The following SRP68 variants were observed in gnomAD, a reference collection of about 807,000 sequenced individuals.
The protein encoded by SRP68 is signal recognition particle 68.
SRP68 carries 15 observed loss-of-function variants against 82.2 expected under a neutral mutation model. The ratio of observed to expected loss-of-function variants is 0.18; its 90% confidence interval spans 0.12 to 0.28. The LOEUF is 0.28. Among genes scored for constraint, SRP68 ranks in the 10% least tolerant of loss-of-function variants. The probability of loss-of-function intolerance (pLI) is 1.00; values close to 1 mark genes in which losing one functional copy is unlikely to be tolerated. For synonymous variants in SRP68, 261 were observed against 292.6 expected, an observed-to-expected ratio of 0.89 and a Z score of 1.10; for missense variants, 595 against 780.5, an observed-to-expected ratio of 0.76 and a Z score of 2.83.
chr17:76,067,755 C>G (rs1032133318), intron 2 of SRP68, among the ~76,000 whole-genome samples: 2 of 152,130 alleles, frequency 1.3e-5, no homozygotes, highest in African/African-American at 4.8e-5. Flanking sequence ...CATGAGCCAC[C>G]ATACCCGGCC....
intron 3 of SRP68, among the ~76,000 whole-genome samples, chr17:76,066,268 A>G (rs1598270372): frequency 6.6e-6 from 1 of 152,056 alleles, no homozygotes; most frequent in South Asian, 2.1e-4. Context: ...CCTGGCCAAC[A>G]TGGTGAAACC....
Position 76,057,395 on chromosome 17 carries a change from C to T in SRP68, c.978+8G>A. ...CAGAAGACAGCACAGTAAGTTCTTC[C>T]TCCTCACCTGGACAATAGCTGCTTC... On this transcript the variant is annotated splice_region_variant and intron_variant, in intron 8 of 15. Transcript: ENST00000307877. 1 of 1,614,122 alleles carries T rather than the reference C, an allele frequency of 6.2e-7. No individual in the cohort carries two copies. The highest frequency in any genetic ancestry group is 8.5e-7 in the Non-Finnish European group (1 of 1,180,016).
Position 76,043,813 on chromosome 17 carries a change from G to C in SRP68, c.1524+16C>G, listed in dbSNP as rs1367606079. 6.3e-6 allele frequency: 10 copies of C among 1,577,620 alleles called. No individual in the cohort carries two copies. Among genetic ancestry groups the C allele is most frequent in the Non-Finnish European group, 8.6e-6 (10 of 1,166,994 alleles). On this transcript the variant is annotated intron_variant, in intron 13 of 15. Coordinates refer to ENST00000307877, the MANE Select transcript of SRP68 (RefSeq NM_014230.4). ...ACCTGCCAGGGCTTGCAAACAAGGA[G>C]AGGCCAACCTCTCACCTTTAGGCTG...
chr17:76,048,035 T>C (rs1038969094), intron 9 of SRP68, 65 bp from the exon 10 acceptor site: 6 of 1,148,910 alleles, frequency 5.2e-6, no homozygotes, highest in African/African-American at 4.7e-5. Flanking sequence ...GACCACCTCA[T>C]GGAATGGTGG....
intron 4 of SRP68, 133 bp from the exon 5 acceptor site, chr17:76,061,707 TCCCAGCACTTTGGGAGG>T (rs1332522100): frequency 3.1e-6 from 2 of 646,792 alleles, no homozygotes; most frequent in Non-Finnish European, 5.2e-6. Flanking sequence ...ACACCTGTAA[TCCCAGCACTTTGGGAGG>T]CCCAGGTGGG....
chr17:76,052,369 G>A (rs1467472695), intron 8 of SRP68, among the ~76,000 whole-genome samples: 3 of 152,146 alleles, frequency 2.0e-5, no homozygotes, highest in South Asian at 2.1e-4. Context: ...GAATGGTGCC[G>A]CCATATAATA....
intron 9 of SRP68, 132 bp downstream of exon 9, chr17:76,050,296 C>T: frequency 1.6e-6 from 1 of 634,418 alleles, no homozygotes; most frequent in African/African-American, 1.8e-5. Flanking sequence ...ACGACCTCAC[C>T]TCAAAAAAAC....
rs2066851680 is a variant in SRP68 at position 76,071,380 on chromosome 17, G to T, written c.184+928C>A. ...TGTACTAATCTTTAGAAAGTCCAATGACCTTCATCTATATAGGTATAGTTT... is the reference window on the plus strand; with the variant it reads ...TGTACTAATCTTTAGAAAGTCCAATTACCTTCATCTATATAGGTATAGTTT... On this transcript the variant is annotated intron_variant, in intron 1 of 15. Transcript: ENST00000307877. The surrounding 1 kb of genome is among the most constrained non-coding windows in gnomAD (Gnocchi z 4.7). 6.6e-6 allele frequency among the ~76,000 whole-genome samples: 1 copy of T among 152,138 alleles called. No individual in the cohort carries two copies. Among genetic ancestry groups the T allele is most frequent in the Admixed American group, 6.5e-5 (1 of 15,276 alleles).
rs746698013 is a variant in SRP68, at chr17:76,072,367, T to A, written c.125A>T (p.Glu42Val). 1.1e-5 allele frequency: 17 copies of A among 1,612,382 alleles called. No homozygotes were observed. ...GAGGEENKENERPSAGSKANK... is the reference protein window; with the variant it reads ...GAGGEENKENVRPSAGSKANK... Reference sequence around the variant, plus strand: ...TGCCTTCGATCCGGCCGAAGGGCGTTCGTTTTCTTTATTTTCTTCCCCTCC... The same window carrying A: ...TGCCTTCGATCCGGCCGAAGGGCGTACGTTTTCTTTATTTTCTTCCCCTCC... Residue 42 changes from glutamate (E) to valine (V), a missense_variant, in exon 1 of 16, where the codon GAA becomes GTA. Glu to Val is a moderately radical substitution (Grantham distance 121). Around this residue, in one of 2 missense-constraint regions of SRP68, gnomAD observed 100 missense variants for 91.9 expected, o/e 1.09. Coordinates refer to ENST00000307877, the MANE Select transcript of SRP68 (RefSeq NM_014230.4). The surrounding 1 kb of genome is among the most constrained non-coding windows in gnomAD (Gnocchi z 4.5).
chr17:76,042,637 T>C (rs1411018977), intron 13 of SRP68, among the ~76,000 whole-genome samples: 1 of 151,790 alleles, frequency 6.6e-6, no homozygotes, highest in Non-Finnish European at 1.5e-5. Flanking sequence ...CAGGCTGGAG[T>C]GCAGTGGCTT....
intron 9 of SRP68, 54 bp from the exon 10 acceptor site, chr17:76,048,024 TG>T: frequency 7.8e-7 from 1 of 1,278,740 alleles, no homozygotes; most frequent in Non-Finnish European, 1.1e-6. Context: ...TCCATCGCTC[TG>T]ACCACCTCAT....
At chr17:76,049,499 C>G (rs2066656230) in intron 9 of SRP68, 1 of 152,140 alleles carries the variant, frequency 6.6e-6, no homozygotes, top group African/African-American at 2.4e-5. Flanking sequence ...GTAAGTGGAA[C>G]AGCTTGAGGC....
chr17:76,039,604 G>T lies in SRP68; in HGVS notation c.*102C>A. 2.6e-6 allele frequency: 3 copies of T among 1,145,922 alleles called. No individual in the cohort carries two copies. Among genetic ancestry groups the T allele is most frequent in the Non-Finnish European group, 3.8e-6 (3 of 798,588 alleles). The allele number at this position is 1,145,922 out of a possible 1,614,324, so 71.0% of individuals were successfully genotyped here. A position where few individuals can be genotyped will look rare whatever the true frequency, so the allele number is the denominator to read the frequency against. ...GCCGAAGATGTTAAACTCTTGCCCCGGGCCAATGCAGACCTGGATTTAATA... is the reference window on the plus strand; with the variant it reads ...GCCGAAGATGTTAAACTCTTGCCCCTGGCCAATGCAGACCTGGATTTAATA... On this transcript the variant is annotated 3_prime_UTR_variant, in exon 16 of 16. Coordinates refer to ENST00000307877, the MANE Select transcript of SRP68 (RefSeq NM_014230.4).
intron 10 of SRP68, among the ~76,000 whole-genome samples, chr17:76,046,868 G>C (rs1360465611): frequency 6.6e-6 from 1 of 152,134 alleles, no homozygotes; most frequent in Non-Finnish European, 1.5e-5. Context: ...GTGAACCTGG[G>C]AGGCGGAGCT....
intron 3 of SRP68, among the ~76,000 whole-genome samples, chr17:76,066,412 T>C (rs2066806768): frequency 6.7e-6 from 1 of 148,960 alleles, no homozygotes; most frequent in South Asian, 2.1e-4. Flanking sequence ...ACGACACCAC[T>C]GCACTCCAAC....
chr17:76,040,557 C>A (rs1392473712), intron 14 of SRP68, 83 bp from the exon 15 acceptor site: 2 of 1,384,002 alleles, frequency 1.4e-6, no homozygotes, highest in Non-Finnish European at 2.1e-6. Context: ...CACAGGTGGC[C>A]CCTACATCCC....
At chr17:76,040,234 T>G (rs2066579061) in intron 15 of SRP68, among the ~76,000 whole-genome samples, 185 bp downstream of exon 15, 1 of 152,204 alleles carries the variant, frequency 6.6e-6, no homozygotes, top group Non-Finnish European at 1.5e-5. Flanking sequence ...TCCTCAACCC[T>G]CTTCCCAGGG....
rs541492193 is a variant in SRP68, at chr17:76,059,604, T to C, written c.837+704A>G. Among the ~76,000 whole-genome samples, 42 of 152,248 alleles carry C rather than the reference T, an allele frequency of 2.8e-4. No homozygotes were observed. The South Asian group carries it at 8.1e-3, about 29-fold the overall frequency. On this transcript the variant is annotated intron_variant, in intron 7 of 15. Transcript: ENST00000307877. ...TTTTTCCCTGATCTTTTGTATTTCT[T>C]GCTTTTTCTATATTACTTGCTTAGA...
chr17:76,042,255 C>T (rs1329994840), intron 13 of SRP68, among the ~76,000 whole-genome samples: 1 of 152,070 alleles, frequency 6.6e-6, no homozygotes, highest in Non-Finnish European at 1.5e-5. Context: ...GATGTTGCAA[C>T]AAGTTCTATA....
Sources: gnomAD v4.1 joint callset for allele counts (sites outside exome capture counted in the v4.1 genomes callset) on GRCh38, gnomAD v4.1.1 for gene constraint, gnomAD v4.1.1 regional missense constraint, Gnocchi (gnomAD v3.1) non-coding constraint, MANE v1.5 for transcripts, NCBI Gene and HGNC (gene_info 2026-07-23, HGNC 2026-07-21) for gene names.